The following STXBP4 variants were observed in gnomAD, a reference collection of about 807,000 sequenced individuals.
STXBP4 encodes the protein syntaxin-binding protein 4.
A neutral mutation model predicts 76.1 loss-of-function variants in STXBP4; 55 were observed. The ratio of observed to expected loss-of-function variants is 0.72; its 90% CI spans 0.58 to 0.91. The LOEUF (loss-of-function observed/expected upper bound fraction) is 0.91. Ranked by LOEUF, STXBP4 falls within the 40% of genes least tolerant of loss-of-function variation. The pLI is 0.00. For synonymous variants in STXBP4, 201 were observed against 220.2 expected, an observed-to-expected ratio of 0.91 and a Z score of 0.77; for missense variants, 618 against 636.9, an observed-to-expected ratio of 0.97 and a Z score of 0.32.
intron 1 of STXBP4, among the ~76,000 whole-genome samples, chr17:54,969,034 G>C (rs918676145): frequency 1.3e-5 from 2 of 152,160 alleles, no homozygotes; most frequent in African/African-American, 4.8e-5. Flanking sequence ...TCCCTTGGCC[G>C]CTGGCTCCTG....
chr17:55,148,562 G>A (rs1287333041), intron 17 of STXBP4, among the ~76,000 whole-genome samples: 3 of 148,418 alleles, frequency 2.0e-5, no homozygotes, highest in East Asian at 2.0e-4. Context: ...TTTTTGAGAC[G>A]AAGTCTCGCT....
chr17:55,010,202 CAG>C (rs1567716635), intron 8 of STXBP4, among the ~76,000 whole-genome samples: 2 of 151,668 alleles, frequency 1.3e-5, no homozygotes, highest in Non-Finnish European at 2.9e-5. Context: ...TTAAGGAAAG[CAG>C]AGAGGTTAGA....
the STXBP4 span, among the ~76,000 whole-genome samples, chr17:55,205,645 T>C: frequency 4.5e-4 from 68 of 152,094 alleles, no homozygotes; most frequent in Non-Finnish European, 7.1e-4. Flanking sequence ...ATAAACCCAT[T>C]GAAAAATGTT....
At chr17:55,072,207 C>T (rs936126446) in intron 12 of STXBP4, among the ~76,000 whole-genome samples, 3 of 152,148 alleles carry the variant, frequency 2.0e-5, no homozygotes. Flanking sequence ...GGTCATATAA[C>T]TTCTCTGAGT....
At chr17:55,096,026 T>G (rs1425784022) in intron 16 of STXBP4, among the ~76,000 whole-genome samples, 1 of 152,238 alleles carries the variant, frequency 6.6e-6, no homozygotes, top group Non-Finnish European at 1.5e-5. Flanking sequence ...ATGACCTCTC[T>G]GAGTATTCGC....
chr17:55,046,969 A>G (rs1208583579), intron 11 of STXBP4, 120 bp from the exon 12 acceptor site: 2 of 566,104 alleles, frequency 3.5e-6, no homozygotes, highest in Admixed American at 3.5e-5. Context: ...ACTAGGAGCA[A>G]TATTTTCAGA....
intron 16 of STXBP4, among the ~76,000 whole-genome samples, chr17:55,103,203 C>T (rs898156627): frequency 6.6e-6 from 1 of 152,086 alleles, no homozygotes; most frequent in Non-Finnish European, 1.5e-5. Context: ...GAAGTCTTTG[C>T]CCATTCCCTT....
chr17:55,015,958 C>G (rs1036591460), intron 8 of STXBP4, among the ~76,000 whole-genome samples: 1 of 152,186 alleles, frequency 6.6e-6, no homozygotes, highest in Non-Finnish European at 1.5e-5. Context: ...CCAGGTTTCT[C>G]CCCCTTGAAG....
At chr17:55,202,080 G>A in the STXBP4 span, among the ~76,000 whole-genome samples, 5 of 117,264 alleles carry the variant, frequency 4.3e-5, no homozygotes, top group African/African-American at 1.7e-4. Flanking sequence ...ATATAGTCAA[G>A]ACATGTAGAT....
At chr17:55,142,231 A>G (rs573880114) in intron 17 of STXBP4, among the ~76,000 whole-genome samples, 1 of 152,280 alleles carries the variant, frequency 6.6e-6, no homozygotes, top group African/African-American at 2.4e-5. Flanking sequence ...ATATACTTCT[A>G]CCGTTTCCTG....
Position 55,078,690 on chromosome 17 carries a change from T to C in STXBP4, c.1310T>C (p.Ile437Thr). 1 of 1,562,848 alleles carries C rather than the reference T, an allele frequency of 6.4e-7. No homozygotes were observed. Among genetic ancestry groups the C allele is most frequent in the Non-Finnish European group, 8.8e-7 (1 of 1,136,064 alleles). ...TEKLLHFVEA[I>T]QEVFSDNSTP... ...CACCATCTTGTTTGTTGCTAGGCTA[T>C]TCAAGAAGTATTTTCTGATAATTCT... Residue 437 changes from isoleucine (I) to threonine (T), a missense_variant, in exon 15 of 18, where the codon ATT becomes ACT. Transcript: ENST00000376352.
chr17:55,029,372 G>T (rs956318745), intron 8 of STXBP4, among the ~76,000 whole-genome samples: 2 of 151,856 alleles, frequency 1.3e-5, no homozygotes, highest in African/African-American at 4.8e-5. Context: ...AGTTCCTGCT[G>T]AGGAATAATT....
intron 16 of STXBP4, among the ~76,000 whole-genome samples, chr17:55,103,149 TC>T (rs1472744117): frequency 2.0e-5 from 3 of 152,260 alleles, no homozygotes; most frequent in African/African-American, 7.2e-5. Flanking sequence ...ATTCCATTTG[TC>T]AATTTTGGCT....
intron 8 of STXBP4, among the ~76,000 whole-genome samples, chr17:55,008,871 G>GCTGTTTTCTT (rs1438264573): frequency 6.6e-6 from 1 of 152,202 alleles, no homozygotes; most frequent in Admixed American, 6.5e-5. Context: ...TCCGGCTTCT[G>GCTGTTTTCTT]CTGTTTTCTT....
At chr17:55,100,329 G>A (rs1311015210) in intron 16 of STXBP4, among the ~76,000 whole-genome samples, 2 of 152,172 alleles carry the variant, frequency 1.3e-5, no homozygotes, top group Admixed American at 1.3e-4. Context: ...TAGAGACTGT[G>A]GATGGGAACG....
chr17:55,106,271 A>T (rs1456670181), intron 16 of STXBP4, among the ~76,000 whole-genome samples: 1 of 149,036 alleles, frequency 6.7e-6, no homozygotes, highest in Non-Finnish European at 1.5e-5. Flanking sequence ...AGAGACTAGG[A>T]TTGCAACCCC....
intron 1 of STXBP4, among the ~76,000 whole-genome samples, chr17:54,973,659 G>T (rs2077430345): frequency 6.6e-6 from 1 of 152,202 alleles, no homozygotes; most frequent in African/African-American, 2.4e-5. Flanking sequence ...ATTTTTGTGA[G>T]TCTGAGTGTG....
At chr17:55,033,087 TAGG>T (rs2078537346) in intron 9 of STXBP4, among the ~76,000 whole-genome samples, 2 of 152,064 alleles carry the variant, frequency 1.3e-5, no homozygotes, top group East Asian at 1.9e-4. Context: ...GAATTTCAGG[TAGG>T]AGGTCAGGTG....
chr17:55,159,251 C>CATAAATAA (rs758430026), intron 17 of STXBP4, among the ~76,000 whole-genome samples: 114 of 151,880 alleles, frequency 7.5e-4, no homozygotes, highest in African/African-American at 2.4e-3. Context: ...GTCTCAAATA[C>CATAAATAA]ATAAATAAAT....
Sources: gnomAD v4.1 joint callset for allele counts (sites outside exome capture counted in the v4.1 genomes callset) on GRCh38, gnomAD v4.1.1 for gene constraint, MANE v1.5 for transcripts, NCBI Gene and HGNC (gene_info 2026-07-23, HGNC 2026-07-21) for gene names.